KIF16B: variants seen among roughly 807,000 people sequenced by gnomAD.
KIF16B encodes the protein kinesin-like protein KIF16B.
Under a neutral mutation model 156.3 loss-of-function variants are expected in KIF16B, and 98 were observed. The ratio of observed to expected loss-of-function variants is 0.63; its 90% CI spans 0.53 to 0.74. The LOEUF is 0.74. KIF16B is among the 30% of genes least tolerant of loss of function. KIF16B has a pLI of 0.00. For synonymous variants in KIF16B, 564 were observed against 583.7 expected (o/e 0.97, Z 0.49); for missense variants, 1,421 against 1,606.5 (o/e 0.88, Z 1.97).
intron 17 of KIF16B, among the ~76,000 whole-genome samples, chr20:16,403,980 G>A (rs1024421385): frequency 1.3e-5 from 2 of 152,154 alleles, no homozygotes; most frequent in African/African-American, 2.4e-5. Context: ...TGAAACTGAC[G>A]GAGAGCAAAT....
chr20:16,572,091 A>G (rs146395782), intron 1 of KIF16B, among the ~76,000 whole-genome samples: 28 of 152,374 alleles, frequency 1.8e-4, no homozygotes, highest in African/African-American at 6.0e-4. Flanking sequence ...ATATTCCCTT[A>G]GAGCAAAAAA....
At chr20:16,372,998 G>A (rs1025195380) in intron 20 of KIF16B, among the ~76,000 whole-genome samples, 4 of 152,022 alleles carry the variant, frequency 2.6e-5, no homozygotes, top group Non-Finnish European at 4.4e-5. Context: ...ATGCCCGGCC[G>A]GATGGATTAT....
intron 25 of KIF16B, among the ~76,000 whole-genome samples, chr20:16,283,071 C>T (rs2063170480): frequency 6.6e-6 from 1 of 152,192 alleles, no homozygotes. Flanking sequence ...CACTTGCATA[C>T]CTTTTCCCAG....
chr20:16,462,564 T>C (rs2067376432), intron 12 of KIF16B, among the ~76,000 whole-genome samples: 1 of 152,150 alleles, frequency 6.6e-6, no homozygotes, highest in East Asian at 1.9e-4. Context: ...TGTTTCAGCC[T>C]GTGTTGGGAT....
chr20:16,351,474 G>C (rs2064337873), intron 23 of KIF16B, among the ~76,000 whole-genome samples: 2 of 152,226 alleles, frequency 1.3e-5, no homozygotes, highest in African/African-American at 4.8e-5. Flanking sequence ...TGCGAAGCGG[G>C]GTTGTAAGAT....
At chr20:16,371,154 TA>T (rs1254833142) in intron 21 of KIF16B, among the ~76,000 whole-genome samples, 1 of 152,212 alleles carries the variant, frequency 6.6e-6, no homozygotes, top group African/African-American at 2.4e-5. Flanking sequence ...ATTCCTGAAT[TA>T]ATACTATTTA....
chr20:16,528,740 GACTC>G (rs766776252), intron 1 of KIF16B, among the ~76,000 whole-genome samples: 220 of 152,090 alleles, frequency 1.4e-3, no homozygotes, highest in Middle Eastern at 3.4e-3. Context: ...AAAGAGCTAA[GACTC>G]ACCAAAAAAA....
chr20:16,453,847 C>T (rs2067147348), intron 12 of KIF16B, among the ~76,000 whole-genome samples: 1 of 152,130 alleles, frequency 6.6e-6, no homozygotes, highest in Non-Finnish European at 1.5e-5. Context: ...TGGTACAACT[C>T]TTATGAAATG....
At chr20:16,382,235 C>G in intron 17 of KIF16B, 1 of 568,226 alleles carries the variant, frequency 1.8e-6, no homozygotes, top group Non-Finnish European at 2.7e-6. Flanking sequence ...CAGTAAGGTA[C>G]TTAAAAGGCA....
intron 25 of KIF16B, among the ~76,000 whole-genome samples, chr20:16,283,816 C>T (rs2063182694): frequency 6.6e-6 from 1 of 152,146 alleles, no homozygotes; most frequent in African/African-American, 2.4e-5. Flanking sequence ...TATCTGGAAG[C>T]CCTGGGGAAG....
At chr20:16,423,948 C>G (rs926836337) in intron 15 of KIF16B, among the ~76,000 whole-genome samples, 3 of 152,110 alleles carry the variant, frequency 2.0e-5, no homozygotes, top group African/African-American at 7.2e-5. Context: ...CTGAAGAGCC[C>G]TACATGGTGA....
intron 1 of KIF16B, among the ~76,000 whole-genome samples, chr20:16,531,619 C>A (rs1440943496): frequency 6.6e-6 from 1 of 152,182 alleles, no homozygotes. Context: ...AGTGGGAACA[C>A]GCCAATGTTC....
chr20:16,462,924 G>A (rs2067387154), intron 12 of KIF16B, among the ~76,000 whole-genome samples: 1 of 152,152 alleles, frequency 6.6e-6, no homozygotes, highest in Non-Finnish European at 1.5e-5. Context: ...AAGCAACATG[G>A]TGCTGGCCAG....
intron 12 of KIF16B, among the ~76,000 whole-genome samples, chr20:16,466,879 G>C (rs192075123): frequency 2.5e-4 from 38 of 152,258 alleles, no homozygotes; most frequent in African/African-American, 8.7e-4. Context: ...AAAACTCCAG[G>C]AGTGGCTTTT....
intron 16 of KIF16B, among the ~76,000 whole-genome samples, chr20:16,405,898 C>T (rs945012422): frequency 5.9e-4 from 89 of 152,100 alleles, no homozygotes; most frequent in African/African-American, 1.9e-3. Flanking sequence ...AGCACTTAAA[C>T]GTCCTGCCCT....
chr20:16,430,714 G>A (rs915573136), intron 12 of KIF16B, among the ~76,000 whole-genome samples: 3 of 151,682 alleles, frequency 2.0e-5, no homozygotes, highest in African/African-American at 7.3e-5. Flanking sequence ...TCTCCTGATG[G>A]TCTCCTTCTG....
chr20:16,368,905 C>T, intron 22 of KIF16B: 1 of 985,854 alleles, frequency 1.0e-6, no homozygotes, highest in Middle Eastern at 5.2e-4. Flanking sequence ...CATCAGCTCA[C>T]TGAAATTTTC....
intron 3 of KIF16B, among the ~76,000 whole-genome samples, chr20:16,521,624 A>G (rs2147116897): frequency 6.6e-6 from 1 of 152,304 alleles, no homozygotes; most frequent in East Asian, 1.9e-4. Flanking sequence ...GAACTTCCCC[A>G]ACCTAGCAAG....
At chr20:16,282,032 C>CTT (rs11478755) in intron 25 of KIF16B, among the ~76,000 whole-genome samples, 11 of 120,890 alleles carry the variant, frequency 9.1e-5, no homozygotes, top group African/African-American at 1.6e-4. Context: ...TTTTCTGTTT[C>CTT]TTTTTTTTTT....
Sources: allele counts gnomAD v4.1 joint callset (sites outside exome capture counted in the v4.1 genomes callset), GRCh38; gene constraint gnomAD v4.1.1; transcripts MANE v1.5; gene names NCBI Gene and HGNC (gene_info 2026-07-23, HGNC 2026-07-21).